PDE10A: variants seen among roughly 807,000 people sequenced by gnomAD.
The protein encoded by PDE10A is cAMP and cAMP-inhibited cGMP 3',5'-cyclic phosphodiesterase 10A.
Under a neutral mutation model 97.7 loss-of-function variants are expected in PDE10A, and 39 were observed. That is an observed-to-expected ratio of 0.40 (90% confidence interval 0.31 to 0.52). PDE10A has a LOEUF of 0.52. PDE10A is among the 20% of genes least tolerant of loss of function. PDE10A has a pLI of 0.56. For missense variants in PDE10A, 731 were observed against 1,047.8 expected (o/e 0.70, Z 4.17); for synonymous variants, 371 against 376.8 (o/e 0.98, Z 0.18).
In PDE10A at chr6:165,379,381, C is replaced by A. The variant is rs529383401; in HGVS notation, c.2611-15G>T. 279 of 1,594,416 alleles carry A rather than the reference C, an allele frequency of 1.7e-4. 2 individuals are homozygous for A. In the South Asian group the frequency reaches 2.9e-3, roughly 17 times the overall value. On this transcript the variant is annotated splice_polypyrimidine_tract_variant and intron_variant, in intron 17 of 21. Transcript: ENST00000539869. ...TGCCCTTCCAACTAGGGAAAAAATA[C>A]AAATAAAAACCACCAATAACAAGCA...
intron 18 of PDE10A, among the ~76,000 whole-genome samples, chr6:165,374,004 C>G (rs1016868368): frequency 1.4e-5 from 2 of 145,324 alleles, no homozygotes; most frequent in African/African-American, 5.1e-5. Flanking sequence ...ACCGCATGTT[C>G]TCACTCATAG....
chr6:165,605,188 T>C (rs1353542226), intron 1 of PDE10A, among the ~76,000 whole-genome samples: 1 of 152,150 alleles, frequency 6.6e-6, no homozygotes, highest in East Asian at 1.9e-4. Context: ...TTGGCTTCCT[T>C]CCTTTCATCT....
At chr6:165,866,803 A>G (rs1212733597) in intron 1 of PDE10A, among the ~76,000 whole-genome samples, 3 of 151,962 alleles carry the variant, frequency 2.0e-5, no homozygotes, top group Non-Finnish European at 4.4e-5. Context: ...GCTGAAAGAA[A>G]AAAAAAAACC....
At chr6:165,546,219 G>T (rs186261233) in intron 1 of PDE10A, among the ~76,000 whole-genome samples, 4 of 152,120 alleles carry the variant, frequency 2.6e-5, no homozygotes, top group Admixed American at 6.5e-5. Flanking sequence ...GGCATAAGCT[G>T]CAGAGGTAGT....
At chr6:165,536,053 C>T (rs1186288499) in intron 2 of PDE10A, among the ~76,000 whole-genome samples, 1 of 151,994 alleles carries the variant, frequency 6.6e-6, no homozygotes, top group Non-Finnish European at 1.5e-5. Context: ...ATCACATTAC[C>T]TGGTTTCAAA....
At chr6:165,632,308 A>T (rs902266051) in intron 1 of PDE10A, among the ~76,000 whole-genome samples, 5 of 152,046 alleles carry the variant, frequency 3.3e-5, no homozygotes, top group African/African-American at 1.2e-4. Context: ...GTCTTGAATC[A>T]TAGGAAATTA....
rs77412802 is a variant in PDE10A at position 165,945,796 on chromosome 6, A to G, written c.-615+41733T>C. Among the ~76,000 whole-genome samples the G allele has an allele frequency of 6.1e-3, 922 of 152,356 alleles. 9 individuals carry two copies. Among genetic ancestry groups the G allele is most frequent in the African/African-American group, 0.02 (816 of 41,580 alleles). Reference sequence around the variant, plus strand: ...GGAGCAATAGATAACTAATAGAGTCACTAAGTCATCTAGTTCTCTATATAC... The same window carrying G: ...GGAGCAATAGATAACTAATAGAGTCGCTAAGTCATCTAGTTCTCTATATAC... On this transcript the variant is annotated intron_variant, in intron 1 of 19. Transcript: ENST00000366882.
Position 165,958,852 on chromosome 6 carries a change from C to T in PDE10A, c.-615+28677G>A, listed in dbSNP as rs144540631. On this transcript the variant is annotated intron_variant, in intron 1 of 19. Transcript: ENST00000366882. Reference sequence around the variant, plus strand: ...ACTTTCAATATTCCACACCCTCCGGCAGTGCTTCCTCCCCTCTTGCTTCTG... The same window carrying T: ...ACTTTCAATATTCCACACCCTCCGGTAGTGCTTCCTCCCCTCTTGCTTCTG... 4.9e-4 allele frequency among the ~76,000 whole-genome samples: 75 copies of T among 152,324 alleles called. 1 individual carries two copies. Among genetic ancestry groups the T allele is most frequent in the African/African-American group, 1.7e-3 (70 of 41,568 alleles).
chr6:165,619,389 A>AGTGTAGTC (rs1562634641), intron 1 of PDE10A, among the ~76,000 whole-genome samples: 1 of 3,072 alleles, frequency 3.3e-4, no homozygotes, highest in Non-Finnish European at 6.2e-4. Flanking sequence ...GTAGTCTAGT[A>AGTGTAGTC]TAGTGTAGTG....
intron 1 of PDE10A, among the ~76,000 whole-genome samples, chr6:165,600,972 T>C (rs1239153697): frequency 2.0e-5 from 3 of 152,224 alleles, no homozygotes; most frequent in African/African-American, 7.2e-5. Flanking sequence ...AAGGTTTAAA[T>C]ATGTTACATG....
intron 14 of PDE10A, 110 bp downstream of exon 14, chr6:165,396,207 C>T: frequency 1.1e-6 from 1 of 941,726 alleles, no homozygotes; most frequent in Non-Finnish European, 1.6e-6. Context: ...TGAAACTCCA[C>T]ATGTAATATG....
upstream of PDE10A, among the ~76,000 whole-genome samples, chr6:165,664,527 A>G (rs1419230262): frequency 5.9e-5 from 9 of 152,222 alleles, no homozygotes; most frequent in Admixed American, 4.6e-4. Context: ...TCACTAGGTC[A>G]GAATCCCTAC....
intron 1 of PDE10A, among the ~76,000 whole-genome samples, chr6:165,931,918 A>G (rs1783148941): frequency 6.6e-6 from 1 of 152,154 alleles, no homozygotes; most frequent in Non-Finnish European, 1.5e-5. Context: ...GAGCTGGACC[A>G]CCAGGAGGCC....
At chr6:165,545,948 C>G (rs545353152) in intron 1 of PDE10A, among the ~76,000 whole-genome samples, 1 of 152,114 alleles carries the variant, frequency 6.6e-6, no homozygotes, top group African/African-American at 2.4e-5. Flanking sequence ...TATGTCCACA[C>G]AAAAACCTCC....
At position 165,655,119 on chromosome 6, in the gene PDE10A, C is replaced by T. The variant is rs533793885; in HGVS notation, c.865+6828G>A. Among the ~76,000 whole-genome samples, 334 of 152,310 alleles carry T rather than the reference C, an allele frequency of 2.2e-3. No individual in the cohort carries two copies. Among genetic ancestry groups the T allele is most frequent in the Non-Finnish European group, 4.0e-3 (273 of 68,032 alleles). On this transcript the variant is annotated intron_variant, in intron 1 of 21. Transcript: ENST00000539869. The surrounding 1 kb of genome is among the most constrained non-coding windows in gnomAD (Gnocchi z 4.5). ...GTGTCAAACTTCAGCCAGGCACTTA[C>T]ATTGCACCCAGCTATGGTTGATTAA...
intron 12 of PDE10A, among the ~76,000 whole-genome samples, chr6:165,415,926 TTAAAAC>T (rs2022703360): frequency 6.6e-6 from 1 of 152,206 alleles, no homozygotes; most frequent in Non-Finnish European, 1.5e-5. Context: ...GCTCTATAAA[TTAAAAC>T]TACCGCCTAT....
rs1415199975 is a variant in PDE10A at position 165,461,259 on chromosome 6, AT to A, written c.1024-10898del. Among the ~76,000 whole-genome samples, 5 of 152,318 alleles carry A rather than the reference AT, an allele frequency of 3.3e-5. No individual in the cohort carries two copies. The South Asian group carries it at 8.3e-4, about 25-fold the overall frequency. On this transcript the variant is annotated intron_variant, in intron 3 of 21. Coordinates refer to ENST00000539869, the MANE Select transcript of PDE10A (RefSeq NM_001385079.1). The stretch of plus-strand genomic sequence containing the variant: ...AATTCCAAAAAATTGGCCTTTAATA[AT>A]TAGTCATAGATTTAAAAGACTGTTT...
chr6:165,728,978 G>T (rs1792360513), intron 1 of PDE10A, among the ~76,000 whole-genome samples: 2 of 152,172 alleles, frequency 1.3e-5, no homozygotes, highest in Admixed American at 6.5e-5. Context: ...AGGGAGGATT[G>T]CTTGAGCCCA....
At chr6:165,596,366 T>C (rs1786594404) in intron 1 of PDE10A, among the ~76,000 whole-genome samples, 1 of 152,204 alleles carries the variant, frequency 6.6e-6, no homozygotes, top group Non-Finnish European at 1.5e-5. Flanking sequence ...CTTTTTCTCC[T>C]ACAGTCGGTT....
Sources: gnomAD v4.1 joint callset for allele counts (sites outside exome capture counted in the v4.1 genomes callset) on GRCh38, gnomAD v4.1.1 for gene constraint, Gnocchi (gnomAD v3.1) non-coding constraint, MANE v1.5 for transcripts, NCBI Gene and HGNC (gene_info 2026-07-23, HGNC 2026-07-21) for gene names.